Variants in FSHR observed in about 807,000 individuals in gnomAD.
FSHR encodes the protein follicle stimulating hormone receptor.
A neutral mutation model predicts 52.1 loss-of-function variants in FSHR; 46 were observed. The observed-to-expected ratio is 0.88, with a 90% CI of 0.70 to 1.13. The LOEUF (loss-of-function observed/expected upper bound fraction) is 1.13, where lower values mean the gene tolerates loss of function less well. FSHR is among the 50% of genes most tolerant of loss of function. The pLI is 0.00. For synonymous variants in FSHR, 399 were observed against 309.6 expected (o/e 1.29, Z -3.03); for missense variants, 964 against 834.6 (o/e 1.16, Z -1.91).
At chr2:49,101,641 G>T (rs1037437531) in intron 1 of FSHR, among the ~76,000 whole-genome samples, 1 of 152,078 alleles carries the variant, frequency 6.6e-6, no homozygotes, top group Admixed American at 6.6e-5. Flanking sequence ...GTTGAAGGGG[G>T]TCTTTGTCCA....
rs545689622 is a variant in FSHR, at chr2:49,069,921, T to G, written c.153-1631A>C. Among the ~76,000 whole-genome samples, 527 of 152,294 alleles carry G rather than the reference T, an allele frequency of 3.5e-3. 3 individuals carry two copies. The highest frequency in any genetic ancestry group is 0.012 in the African/African-American group (482 of 41,564). Reference sequence around the variant, plus strand: ...CATAAATATTTTATTGCTTTAGCCTTCTGTTATATATTGGTGTTAGTGAAA... The same window carrying G: ...CATAAATATTTTATTGCTTTAGCCTGCTGTTATATATTGGTGTTAGTGAAA... On this transcript the variant is annotated intron_variant, in intron 1 of 9. Coordinates refer to ENST00000406846, the MANE Select transcript of FSHR (RefSeq NM_000145.4).
intron 1 of FSHR, among the ~76,000 whole-genome samples, chr2:49,116,646 A>G (rs758939770): frequency 6.6e-6 from 1 of 152,194 alleles, no homozygotes; most frequent in Non-Finnish European, 1.5e-5. Flanking sequence ...CTTAACCTCC[A>G]TGTATGTAGC....
At chr2:49,003,715 G>C (rs1666987030) in intron 4 of FSHR, among the ~76,000 whole-genome samples, 2 of 152,168 alleles carry the variant, frequency 1.3e-5, no homozygotes, top group Admixed American at 1.3e-4. Flanking sequence ...TTCTATAAAA[G>C]AAAAAATGAA....
intron 8 of FSHR, among the ~76,000 whole-genome samples, chr2:48,972,866 T>C (rs1179833205): frequency 2.0e-5 from 3 of 152,336 alleles, no homozygotes; most frequent in Admixed American, 6.5e-5. Flanking sequence ...GTTTACAGTA[T>C]AAAAATTGGA....
chr2:49,092,590 A>G (rs1670651453), intron 1 of FSHR, among the ~76,000 whole-genome samples: 3 of 152,144 alleles, frequency 2.0e-5, no homozygotes, highest in Non-Finnish European at 4.4e-5. Flanking sequence ...AATTGATTTA[A>G]TCTTTTTTCT....
chr2:49,037,586 A>T (rs1462094706), intron 2 of FSHR, among the ~76,000 whole-genome samples: 1 of 152,042 alleles, frequency 6.6e-6, no homozygotes, highest in Admixed American at 6.5e-5. Flanking sequence ...AGAAAATTTG[A>T]AGAAGAACAG....
chr2:48,979,910 G>C (rs976686439), intron 8 of FSHR, among the ~76,000 whole-genome samples: 2 of 152,072 alleles, frequency 1.3e-5, no homozygotes, highest in Admixed American at 1.3e-4. Flanking sequence ...AATAGCCTAC[G>C]CATACTCCTA....
chr2:49,146,952 ACT>A (rs915673409), intron 1 of FSHR, among the ~76,000 whole-genome samples: 9 of 152,142 alleles, frequency 5.9e-5, no homozygotes, highest in African/African-American at 1.4e-4. Flanking sequence ...CTTTATGTTG[ACT>A]CTTGCTGAAA....
In FSHR at chr2:48,962,364, T is replaced by G; in HGVS notation, c.*369A>C. 1 of 264,502 alleles carries G rather than the reference T, an allele frequency of 3.8e-6. No individual in the cohort carries two copies. The highest frequency in any genetic ancestry group is 7.3e-6 in the Non-Finnish European group (1 of 136,748). 16.4% of individuals were successfully genotyped at this position (264,502 alleles called of 1,614,324 possible). A position where few individuals can be genotyped will look rare whatever the true frequency, so the allele number is the denominator to read the frequency against. On this transcript the variant is annotated 3_prime_UTR_variant, in exon 10 of 10. Coordinates refer to ENST00000406846, the MANE Select transcript of FSHR (RefSeq NM_000145.4). ...AACTAAACAATTTTGAACAAGTCAC[T>G]TAACTCTTTGAGTCGTGGTTTCCTC...
At chr2:49,086,954 G>C (rs1670416165) in intron 1 of FSHR, among the ~76,000 whole-genome samples, 1 of 151,226 alleles carries the variant, frequency 6.6e-6, no homozygotes, top group African/African-American at 2.4e-5. Flanking sequence ...TATTTTAAAA[G>C]ATACTCATGT....
intron 2 of FSHR, among the ~76,000 whole-genome samples, 177 bp from the exon 3 acceptor site, chr2:49,020,337 C>G (rs959531432): frequency 2.0e-5 from 3 of 152,160 alleles, no homozygotes; most frequent in African/African-American, 7.2e-5. Context: ...GAGGCTAACA[C>G]TTACCGAACA....
rs548520611 is a variant in FSHR, at chr2:48,984,661, G to T, written c.525-1495C>A. Among the ~76,000 whole-genome samples the T allele has an allele frequency of 4.0e-5, 6 of 151,566 alleles. No homozygotes were observed. In the South Asian group the frequency reaches 1.3e-3, roughly 32 times the overall value. On this transcript the variant is annotated intron_variant, in intron 6 of 9. Coordinates refer to ENST00000406846, the MANE Select transcript of FSHR (RefSeq NM_000145.4). Reference sequence around the variant, plus strand: ...GGGGGATAACATTTTGCTTAACTTAGATCTAATGTTAGTGTTTCCTGTCTT... The same window carrying T: ...GGGGGATAACATTTTGCTTAACTTATATCTAATGTTAGTGTTTCCTGTCTT...
intron 1 of FSHR, among the ~76,000 whole-genome samples, chr2:49,127,803 T>A (rs574800018): frequency 8.3e-5 from 5 of 60,276 alleles, no homozygotes; most frequent in African/African-American, 3.5e-4. Flanking sequence ...CTTCTTCTTC[T>A]TCTTCTTCTT....
chr2:49,033,478 T>C (rs1479091302), intron 2 of FSHR, among the ~76,000 whole-genome samples: 1 of 152,074 alleles, frequency 6.6e-6, no homozygotes, highest in Non-Finnish European at 1.5e-5. Flanking sequence ...TGAGAATAAG[T>C]AGTAGCTGAA....
At chr2:49,047,357 T>C (rs1558409533) in intron 2 of FSHR, among the ~76,000 whole-genome samples, 1 of 152,192 alleles carries the variant, frequency 6.6e-6, no homozygotes, top group Admixed American at 6.5e-5. Flanking sequence ...ATTTTCAACA[T>C]TCAGTAAAGA....
At chr2:49,000,063 G>A (rs774109612) in intron 4 of FSHR, among the ~76,000 whole-genome samples, 9 of 152,094 alleles carry the variant, frequency 5.9e-5, no homozygotes, top group Non-Finnish European at 1.3e-4. Context: ...ACATCAGAAA[G>A]TTCACAATAC....
chr2:49,056,975 A>G (rs1290664328), intron 2 of FSHR, among the ~76,000 whole-genome samples: 1 of 152,104 alleles, frequency 6.6e-6, no homozygotes, highest in East Asian at 1.9e-4. Context: ...AAATGAAAAC[A>G]CAAAATACCA....
rs532263649 is a variant in FSHR, at chr2:49,060,782, T to G, written c.224+7437A>C. ...ATTCTGGGCTTCTGAGATACCTCTC[T>G]CCCTGGGGAGTGCAGTCATCCATGT... On this transcript the variant is annotated intron_variant, in intron 2 of 9. Transcript: ENST00000406846. 2.6e-5 allele frequency among the ~76,000 whole-genome samples: 4 copies of G among 152,240 alleles called. No individual in the cohort carries two copies. The South Asian group carries it at 8.3e-4, about 32-fold the overall frequency.
chr2:49,118,627 G>A (rs570865236), intron 1 of FSHR, among the ~76,000 whole-genome samples: 2 of 152,322 alleles, frequency 1.3e-5, no homozygotes, highest in South Asian at 4.1e-4. Context: ...AAACCAGGAT[G>A]TGGGTCACAT....
Sources: gnomAD v4.1 joint callset for allele counts (sites outside exome capture counted in the v4.1 genomes callset) on GRCh38, gnomAD v4.1.1 for gene constraint, MANE v1.5 for transcripts, NCBI Gene and HGNC (gene_info 2026-07-23, HGNC 2026-07-21) for gene names.